Variants in RNF213 observed in about 807,000 individuals in gnomAD.
The protein encoded by RNF213 is ring finger protein 213.
A neutral mutation model predicts 514.4 loss-of-function variants in RNF213; 341 were observed. That is an observed-to-expected ratio of 0.66 (90% CI 0.61 to 0.73). The LOEUF is 0.73. Ranked by LOEUF, RNF213 falls within the 30% of genes least tolerant of loss-of-function variation. The pLI is 0.00. For missense variants in RNF213, 5,767 were observed against 6,615.6 expected (o/e 0.87, Z 4.45); for synonymous variants, 2,655 against 2,658.2 (o/e 1.00, Z 0.04).
chr17:80,312,891 C>T, intron 14 of RNF213, 121 bp from the exon 15 acceptor site: 1 of 1,095,826 alleles, frequency 9.1e-7, no homozygotes. Context: ...GTGGTCCCTC[C>T]ATCGTAGCCA....
intron 2 of RNF213, among the ~76,000 whole-genome samples, chr17:80,271,185 G>A (rs991207024): frequency 1.3e-5 from 2 of 152,214 alleles, no homozygotes; most frequent in African/African-American, 4.8e-5. Flanking sequence ...AGCTCTCGAA[G>A]GATGGGGCCT....
rs761899304 is a variant in RNF213 at position 80,347,246 on chromosome 17, A to G, written c.8911A>G (p.Asn2971Asp). 1.4e-5 allele frequency: 23 copies of G among 1,613,392 alleles called. No homozygotes were observed. Among genetic ancestry groups the G allele is most frequent in the Non-Finnish European group, 1.7e-5 (20 of 1,179,746 alleles). ...KMVFAAAKASNRKPSPQDIAQ... is the reference protein window; with the variant it reads ...KMVFAAAKASDRKPSPQDIAQ... Reference sequence around the variant, plus strand: ...GGTCTTTGCTGCAGCAAAGGCTTCAAATAGAAAGCCTTCCCCGCAAGACAT... The same window carrying G: ...GGTCTTTGCTGCAGCAAAGGCTTCAGATAGAAAGCCTTCCCCGCAAGACAT... The change falls in exon 29 of 68, where the codon AAT becomes GAT. Residue 2971 changes from asparagine to aspartate, a missense_variant. Transcript: ENST00000582970. The surrounding 1 kb of genome is among the most constrained non-coding windows in gnomAD (Gnocchi z 7.2).
Position 80,379,760 on chromosome 17 carries a change from T to C in RNF213, c.13640+46T>C, listed in dbSNP as rs1253240402. On this transcript the variant is annotated intron_variant, in intron 55 of 67. Coordinates refer to ENST00000582970, the MANE Select transcript of RNF213 (RefSeq NM_001256071.3). Reference sequence around the variant, plus strand: ...TTTCCTAAGTACTCAAACTTTGGGGTGTTGGGCTGTTTTTATTCCAGCTGA... The same window carrying C: ...TTTCCTAAGTACTCAAACTTTGGGGCGTTGGGCTGTTTTTATTCCAGCTGA... 2.0e-6 allele frequency: 3 copies of C among 1,510,636 alleles called. No homozygotes were observed. The Admixed American group carries it at 5.0e-5, about 25-fold the overall frequency. The allele number at this position is 1,510,636 out of a possible 1,614,324, so 93.6% of individuals were successfully genotyped here. A position where few individuals can be genotyped will look rare whatever the true frequency, so the allele number is the denominator to read the frequency against.
chr17:80,392,180 C>A (rs2080502762), intron 67 of RNF213, among the ~76,000 whole-genome samples: 1 of 152,210 alleles, frequency 6.6e-6, no homozygotes, highest in African/African-American at 2.4e-5. Context: ...AAACTCCAGT[C>A]TTCCTCACCA....
At chr17:80,351,838 T>C in intron 32 of RNF213, 35 bp downstream of exon 32, 1 of 1,122,106 alleles carries the variant, frequency 8.9e-7, no homozygotes, top group Non-Finnish European at 1.4e-6. Flanking sequence ...TATTTATTTA[T>C]GTATTTATTT....
intron 2 of RNF213, among the ~76,000 whole-genome samples, chr17:80,265,594 G>C (rs1442250466): frequency 6.6e-6 from 1 of 152,188 alleles, no homozygotes; most frequent in Non-Finnish European, 1.5e-5. Flanking sequence ...TCAGGGATTC[G>C]ATGTCTGGGC....
chr17:80,298,781 A>C, intron 11 of RNF213: 2 of 389,756 alleles, frequency 5.1e-6, no homozygotes, highest in African/African-American at 2.1e-5. Context: ...CCTGGCCAAC[A>C]TGGTGAAAAC....
intron 3 of RNF213, among the ~76,000 whole-genome samples, chr17:80,281,483 A>C (rs1306153746): frequency 1.5e-4 from 6 of 39,056 alleles, no homozygotes; most frequent in South Asian, 9.5e-4. Context: ...CACACCCCCC[A>C]ACATACATAC....
chr17:80,360,232 A>G (rs750292851), intron 38 of RNF213, 26 bp downstream of exon 38: 5 of 1,605,164 alleles, frequency 3.1e-6, no homozygotes, highest in Non-Finnish European at 4.3e-6. Context: ...GACAGGTCAG[A>G]TTCAGCACAG....
Position 80,313,167 on chromosome 17 carries a change from G to C in RNF213, c.2811G>C (p.Glu937Asp). ...GASFTYVKEIEVWRRLVEIQF... is the reference protein window; with the variant it reads ...GASFTYVKEIDVWRRLVEIQF... ...CATTCACATACGTCAAGGAAATTGAGGTAGGCATTTGGCCGAAGGCTTCTG... is the reference window on the plus strand; with the variant it reads ...CATTCACATACGTCAAGGAAATTGACGTAGGCATTTGGCCGAAGGCTTCTG... Residue 937 changes from glutamate (E) to aspartate (D), a missense_variant and splice_region_variant, in exon 15 of 68, where the codon GAG (glutamate) becomes GAC (aspartate). Glu to Asp is a conservative substitution (Grantham distance 45). This residue lies in a region of RNF213 where 592 missense variants were observed against 673.9 expected (regional missense o/e 0.88). Coordinates refer to ENST00000582970, the MANE Select transcript of RNF213 (RefSeq NM_001256071.3). 6.2e-7 allele frequency: 1 copy of C among 1,614,078 alleles called. No homozygotes were observed. Among genetic ancestry groups the C allele is most frequent in the Admixed American group, 1.7e-5 (1 of 60,030 alleles).
chr17:80,316,779 G>T, intron 15 of RNF213: 1 of 332,940 alleles, frequency 3.0e-6, no homozygotes, highest in Admixed American at 4.0e-5. Context: ...CGAAGAGGGA[G>T]CACAGAGGAG....
rs767297264 is a variant in RNF213 at position 80,361,837 on chromosome 17, G to A, written c.11304G>A (p.Leu3768=). Reference sequence around the variant, plus strand: ...AGCAGGAACTTCTTCAGTGTTACTTGAAGGATTTCATTCTCTTGACCATGC... The same window carrying A: ...AGCAGGAACTTCTTCAGTGTTACTTAAAGGATTTCATTCTCTTGACCATGC... ...EPQQELLQCY[L]KDFILLTMRV... is the part of the protein sequence containing the mutation. The change falls in exon 39 of 68, where the codon TTG becomes TTA. Residue 3768 remains leucine (L), a synonymous_variant. Coordinates refer to ENST00000582970, the MANE Select transcript of RNF213 (RefSeq NM_001256071.3). 1 of 1,613,974 alleles carries A rather than the reference G, an allele frequency of 6.2e-7. No homozygotes were observed. The highest frequency in any genetic ancestry group is 8.5e-7 in the Non-Finnish European group (1 of 1,179,884).
chr17:80,322,000 A>T lies in RNF213; in HGVS notation c.3024+2688A>T, dbSNP rs529790037. Among the ~76,000 whole-genome samples the T allele has an allele frequency of 2.6e-4, 39 of 152,276 alleles. 1 individual carries two copies. The highest frequency in any genetic ancestry group is 7.2e-4 in the Admixed American group (11 of 15,294). Reference sequence around the variant, plus strand: ...TGGCCTCCCAAAGTGCTGGGATTACAGGCGTGAGCCACTGTGCCCGGCCTC... The same window carrying T: ...TGGCCTCCCAAAGTGCTGGGATTACTGGCGTGAGCCACTGTGCCCGGCCTC... On this transcript the variant is annotated intron_variant, in intron 17 of 67. Transcript: ENST00000582970.
intron 57 of RNF213, chr17:80,382,024 G>A: frequency 2.4e-6 from 1 of 421,878 alleles, no homozygotes; most frequent in Non-Finnish European, 4.5e-6. Flanking sequence ...CAAGTGTTCA[G>A]TGTGCATATA....
intron 3 of RNF213, among the ~76,000 whole-genome samples, chr17:80,287,492 A>C (rs1446561590): frequency 6.6e-6 from 1 of 152,134 alleles, no homozygotes; most frequent in African/African-American, 2.4e-5. Context: ...ACAGAGGGAG[A>C]CCTTGTCTCA....
intron 28 of RNF213, 70 bp from the exon 29 acceptor site, chr17:80,344,608 G>A (rs2078251673): frequency 1.3e-6 from 2 of 1,544,030 alleles, no homozygotes; most frequent in Non-Finnish European, 8.9e-7. Flanking sequence ...ATAACGTGGA[G>A]GGTTAAGACA....
In RNF213 at chr17:80,317,901, G is replaced by A. The variant is rs12603671; in HGVS notation, c.2901+624G>A. ...TCTTGTCCAGCATCCAAGAAGAATG[G>A]GGTCACCCGGACACTTGAAGGATGG... On this transcript the variant is annotated intron_variant, in intron 16 of 67. Coordinates refer to ENST00000582970, the MANE Select transcript of RNF213 (RefSeq NM_001256071.3). This position sits in a 1 kb window ranked among gnomAD's most constrained non-coding sequence, Gnocchi z 4.1. 0.96 allele frequency among the ~76,000 whole-genome samples: 145,856 copies of A among 152,164 alleles called. 69,930 individuals carry two copies. The highest frequency in any genetic ancestry group is 0.97 in the African/African-American group (40,262 of 41,506).
chr17:80,353,665 A>ATGT lies in RNF213; in HGVS notation c.10578_10578+2dup. On this transcript the variant is annotated inframe_insertion and splice_region_variant, in exon 34 of 68. Coordinates refer to ENST00000582970, the MANE Select transcript of RNF213 (RefSeq NM_001256071.3). This position sits in a 1 kb window ranked among gnomAD's most constrained non-coding sequence, Gnocchi z 5.0. ...GAAACCTCTGAACTCGGAGGCAGTGATGTAAGTTCTGGTTCTTGGGACCTC... is the reference window on the plus strand; with the variant it reads ...GAAACCTCTGAACTCGGAGGCAGTGATGTTGTAAGTTCTGGTTCTTGGGACCTC... 1.9e-6 allele frequency: 3 copies of ATGT among 1,614,160 alleles called. 1 individual carries two copies. In the South Asian group the frequency reaches 3.3e-5, roughly 18 times the overall value.
In RNF213 at chr17:80,360,050, C is replaced by T. The variant is rs1014423848; in HGVS notation, c.11055-11C>T. 2 of 1,613,878 alleles carry T rather than the reference C, an allele frequency of 1.2e-6. No homozygotes were observed. The highest frequency in any genetic ancestry group is 1.3e-5 in the African/African-American group (1 of 74,924). On this transcript the variant is annotated splice_polypyrimidine_tract_variant and intron_variant, in intron 37 of 67. Transcript: ENST00000582970. Reference sequence around the variant, plus strand: ...CAAACCCTCTTCTTATCATCCCTCACCTTATTGCAGACATAAAGGTGAGAT... The same window carrying T: ...CAAACCCTCTTCTTATCATCCCTCATCTTATTGCAGACATAAAGGTGAGAT...
Sources: gnomAD v4.1 joint callset for allele counts (sites outside exome capture counted in the v4.1 genomes callset) on GRCh38, gnomAD v4.1.1 for gene constraint, gnomAD v4.1.1 regional missense constraint, Gnocchi (gnomAD v3.1) non-coding constraint, MANE v1.5 for transcripts, NCBI Gene and HGNC (gene_info 2026-07-23, HGNC 2026-07-21) for gene names.